Variants in CFAP77 observed in about 807,000 individuals in gnomAD.
CFAP77 encodes the protein cilia- and flagella-associated protein 77.
In CFAP77, 25 loss-of-function variants were observed where a neutral mutation model predicts 31.1. The observed-to-expected ratio is 0.80, with a 90% CI of 0.59 to 1.12. CFAP77 has a LOEUF of 1.12. CFAP77 is among the 50% of genes most tolerant of loss of function. The pLI is 0.00. For missense variants in CFAP77, 377 were observed against 397.3 expected (o/e 0.95, Z 0.44); for synonymous variants, 151 against 159.9 (o/e 0.94, Z 0.42).
intron 1 of CFAP77, among the ~76,000 whole-genome samples, chr9:132,479,497 T>C (rs1851410548): frequency 6.6e-6 from 1 of 152,332 alleles, no homozygotes; most frequent in South Asian, 2.1e-4. Flanking sequence ...GTCCTCCTTG[T>C]GGCGTTCTTG....
chr9:132,437,799 C>G (rs1027113177), intron 1 of CFAP77, among the ~76,000 whole-genome samples: 31 of 151,292 alleles, frequency 2.0e-4, no homozygotes, highest in African/African-American at 7.5e-4. Flanking sequence ...GTGTGAGCCA[C>G]CGCGCCCGGC....
At chr9:132,429,003 A>G (rs1457740400) in intron 1 of CFAP77, among the ~76,000 whole-genome samples, 2 of 152,114 alleles carry the variant, frequency 1.3e-5, no homozygotes, top group Non-Finnish European at 2.9e-5. Context: ...GTCACCCTGC[A>G]TGTTGAACTG....
At chr9:132,469,460 A>G (rs1851215080) in intron 1 of CFAP77, among the ~76,000 whole-genome samples, 1 of 152,128 alleles carries the variant, frequency 6.6e-6, no homozygotes, top group Non-Finnish European at 1.5e-5. Flanking sequence ...TGTGGTGTAG[A>G]AAATTAGAGA....
At chr9:132,547,576 C>T (rs1160844401) in intron 5 of CFAP77, among the ~76,000 whole-genome samples, 2 of 152,190 alleles carry the variant, frequency 1.3e-5, no homozygotes, top group Non-Finnish European at 2.9e-5. Flanking sequence ...TGACTGCCAC[C>T]GTTGGGCTGC....
At chr9:132,525,825 C>A (rs934265750) in intron 3 of CFAP77, among the ~76,000 whole-genome samples, 4 of 152,146 alleles carry the variant, frequency 2.6e-5, no homozygotes, top group African/African-American at 9.7e-5. Flanking sequence ...CAGCGTGTAA[C>A]CTTTTGAGGT....
In CFAP77 at chr9:132,486,024, A is replaced by ATATGTATATGTATGTGTGTGTG. The variant is rs1564222998; in HGVS notation, c.196-12668_196-12667insGTATATGTATGTGTGTGTGTAT. Among the ~76,000 whole-genome samples, 12 of 43,334 alleles carry ATATGTATATGTATGTGTGTGTG rather than the reference A, an allele frequency of 2.8e-4. No individual in the cohort carries two copies. The African/African-American group carries it at 2.9e-3, about 11-fold the overall frequency. The allele number at this position is 43,334 out of a possible 152,430, so 28.4% of individuals were successfully genotyped here. On this transcript the variant is annotated intron_variant, in intron 1 of 5. Coordinates refer to ENST00000393216, the MANE Select transcript of CFAP77 (RefSeq NM_001282957.2). The stretch of plus-strand genomic sequence containing the variant: ...TATATATATATATATATATATATAT[A>ATATGTATATGTATGTGTGTGTG]TATATATATATATATATGTATGTAT...
At chr9:132,420,561 T>C (rs1448183322) in intron 1 of CFAP77, among the ~76,000 whole-genome samples, 1 of 151,246 alleles carries the variant, frequency 6.6e-6, no homozygotes, top group Non-Finnish European at 1.5e-5. Flanking sequence ...CTCGGGAGGC[T>C]GAGGCAGGAG....
chr9:132,456,775 C>T (rs114276700), intron 1 of CFAP77, among the ~76,000 whole-genome samples: 4 of 151,570 alleles, frequency 2.6e-5, no homozygotes, highest in African/African-American at 9.7e-5. Context: ...TTTTGAGACA[C>T]GGTCATACTC....
chr9:132,518,831 C>T (rs568565584), intron 3 of CFAP77, among the ~76,000 whole-genome samples: 2 of 152,358 alleles, frequency 1.3e-5, no homozygotes, highest in South Asian at 2.1e-4. Flanking sequence ...GGCCACACTG[C>T]AGGTGGCTGT....
chr9:132,440,101 C>T (rs1035025132), intron 1 of CFAP77, among the ~76,000 whole-genome samples: 3 of 151,976 alleles, frequency 2.0e-5, no homozygotes, highest in African/African-American at 2.4e-5. Context: ...GAGGCCGAGG[C>T]GAGGGGATCA....
At position 132,545,258 on chromosome 9, in the gene CFAP77, T is replaced by C. The variant is rs1852713628; in HGVS notation, c.732+2211T>C. Among the ~76,000 whole-genome samples, 1 of 152,228 alleles carries C rather than the reference T, an allele frequency of 6.6e-6. No individual in the cohort carries two copies. Among genetic ancestry groups the C allele is most frequent in the African/African-American group, 2.4e-5 (1 of 41,460 alleles). ...CTCCTGTGCCATGCCAGGCACTGTGTGAGGTCATGTGTGCATATTACTTCA... is the reference window on the plus strand; with the variant it reads ...CTCCTGTGCCATGCCAGGCACTGTGCGAGGTCATGTGTGCATATTACTTCA... On this transcript the variant is annotated intron_variant, in intron 5 of 5. Coordinates refer to ENST00000393216, the MANE Select transcript of CFAP77 (RefSeq NM_001282957.2). The surrounding 1 kb of genome is among the most constrained non-coding windows in gnomAD (Gnocchi z 4.6).
intron 1 of CFAP77, among the ~76,000 whole-genome samples, chr9:132,416,637 T>G (rs6597574): frequency 6.7e-6 from 1 of 148,430 alleles, no homozygotes; most frequent in African/African-American, 2.5e-5. Context: ...ACCACCACAC[T>G]GGGCTTTTTT....
rs1829980227 is a variant in CFAP77 at position 132,572,894 on chromosome 9, A to G, written c.*384A>G. 1 of 212,342 alleles carries G rather than the reference A, an allele frequency of 4.7e-6. No homozygotes were observed. Among genetic ancestry groups the G allele is most frequent in the Non-Finnish European group, 9.3e-6 (1 of 107,674 alleles). 13.2% of individuals were successfully genotyped at this position (212,342 alleles called of 1,614,324 possible). On this transcript the variant is annotated 3_prime_UTR_variant, in exon 6 of 6. Transcript: ENST00000393216. The stretch of plus-strand genomic sequence containing the variant: ...ATTAAGTGTTAAGAACGACCTGTGT[A>G]TTTGCTGCAGAAAGCATGACAGTGA...
At chr9:132,513,442 C>T (rs1453622219) in intron 3 of CFAP77, 3 of 1,395,238 alleles carry the variant, frequency 2.2e-6, no homozygotes, top group African/African-American at 1.4e-5. Context: ...TAGCCTCAGC[C>T]CCTCCCCGTC....
intron 1 of CFAP77, among the ~76,000 whole-genome samples, chr9:132,471,147 C>A (rs1184110882): frequency 6.6e-6 from 1 of 152,130 alleles, no homozygotes; most frequent in Non-Finnish European, 1.5e-5. Context: ...GGCATATGAT[C>A]CAGAGGTTCA....
At chr9:132,427,736 G>A (rs550076607) in intron 1 of CFAP77, among the ~76,000 whole-genome samples, 1 of 152,350 alleles carries the variant, frequency 6.6e-6, no homozygotes, top group South Asian at 2.1e-4. Context: ...CTGGTTTGTA[G>A]ATGGCCCTCA....
intron 1 of CFAP77, among the ~76,000 whole-genome samples, chr9:132,434,540 T>C (rs972717021): frequency 2.0e-5 from 3 of 152,168 alleles, no homozygotes; most frequent in African/African-American, 7.2e-5. Context: ...TTAAGACACT[T>C]TCATTTTAAG....
chr9:132,417,666 G>A (rs369809209), intron 1 of CFAP77, among the ~76,000 whole-genome samples: 90 of 152,314 alleles, frequency 5.9e-4, no homozygotes, highest in Non-Finnish European at 1.1e-3. Context: ...CCCCAGCATG[G>A]GAGAGTTTTG....
chr9:132,453,192 T>A (rs543939104), intron 1 of CFAP77, among the ~76,000 whole-genome samples: 29 of 152,234 alleles, frequency 1.9e-4, no homozygotes, highest in African/African-American at 6.7e-4. Flanking sequence ...TAACAGTGAT[T>A]CCTAAAATCC....
Sources: allele counts gnomAD v4.1 joint callset (sites outside exome capture counted in the v4.1 genomes callset), GRCh38; gene constraint gnomAD v4.1.1; non-coding constraint Gnocchi (gnomAD v3.1); transcripts MANE v1.5; gene names NCBI Gene and HGNC (gene_info 2026-07-23, HGNC 2026-07-21).